Variants in CSMD1 observed in about 807,000 individuals in gnomAD.
CSMD1 encodes the protein CUB and sushi domain-containing protein 1.
In CSMD1, 213 loss-of-function variants were observed where a neutral mutation model predicts 417.5. That is an observed-to-expected ratio of 0.51 (90% CI 0.46 to 0.57). The LOEUF (loss-of-function observed/expected upper bound fraction) is 0.57. CSMD1 is among the 20% of genes least tolerant of loss of function. CSMD1 has a pLI of 0.00. For missense variants in CSMD1, 6,923 were observed against 4,529.7 expected (o/e 1.53, Z -15.17); for synonymous variants, 2,862 against 1,736.8 (o/e 1.65, Z -16.11).
At chr8:3,973,353 T>A (rs910299899) in intron 5 of CSMD1, among the ~76,000 whole-genome samples, 1 of 152,170 alleles carries the variant, frequency 6.6e-6, no homozygotes, top group African/African-American at 2.4e-5. Context: ...GATAGAAGAT[T>A]TTCAAAAGAA....
Position 4,638,525 on chromosome 8 carries a change from T to C in CSMD1, c.86-967A>G, listed in dbSNP as rs916957520. 4.6e-5 allele frequency among the ~76,000 whole-genome samples: 7 copies of C among 152,146 alleles called. No homozygotes were observed. The East Asian group carries it at 7.7e-4, about 17-fold the overall frequency. ...GAGGACTGTAACAACATCCTCACTA[T>C]TGATGTCTACCCGTTCACACAGGCA... On this transcript the variant is annotated intron_variant, in intron 1 of 69. Transcript: ENST00000635120.
At chr8:3,397,322 T>C (rs1811764564) in intron 16 of CSMD1, among the ~76,000 whole-genome samples, 1 of 152,076 alleles carries the variant, frequency 6.6e-6, no homozygotes, top group Admixed American at 6.6e-5. Context: ...GGAGAAAACT[T>C]GGGAGAGGGG....
chr8:3,128,381 A>C (rs1817620332), intron 41 of CSMD1: 1 of 153,388 alleles, frequency 6.5e-6, no homozygotes. Context: ...ATTTAACTTC[A>C]AGACAGCTAC....
intron 12 of CSMD1, among the ~76,000 whole-genome samples, chr8:3,460,267 G>T (rs574012505): frequency 6.6e-6 from 1 of 152,212 alleles, no homozygotes; most frequent in Non-Finnish European, 1.5e-5. Context: ...TCCTTGTTGG[G>T]GAGATACGTG....
chr8:4,501,853 A>G (rs1189085454), intron 2 of CSMD1, among the ~76,000 whole-genome samples: 1 of 152,104 alleles, frequency 6.6e-6, no homozygotes, highest in Non-Finnish European at 1.5e-5. Flanking sequence ...GTATGTCTGT[A>G]TAGGAAAAAA....
chr8:3,780,959 ATCTG>A (rs1327109657), intron 5 of CSMD1, among the ~76,000 whole-genome samples: 1 of 152,224 alleles, frequency 6.6e-6, no homozygotes, highest in African/African-American at 2.4e-5. Flanking sequence ...CTCTAAAGAT[ATCTG>A]TCTTCATGAT....
intron 3 of CSMD1, among the ~76,000 whole-genome samples, chr8:4,116,950 T>G (rs1318716438): frequency 6.6e-6 from 1 of 152,074 alleles, no homozygotes; most frequent in Non-Finnish European, 1.5e-5. Flanking sequence ...CCATGAAGTC[T>G]GAGAATCAGG....
rs75530399 is a variant in CSMD1 at position 4,148,531 on chromosome 8, C to T, written c.416-116432G>A. Among the ~76,000 whole-genome samples the T allele has an allele frequency of 1.0e-4, 15 of 150,344 alleles. No individual in the cohort carries two copies. In the South Asian group the frequency reaches 2.1e-3, roughly 21 times the overall value. ...CTTAAAGTATAATTAAAAAAAAAAA[C>T]GCATTGGCTACTTGGAGTTCTGGAG... On this transcript the variant is annotated intron_variant, in intron 3 of 69. Coordinates refer to ENST00000635120, the MANE Select transcript of CSMD1 (RefSeq NM_033225.6).
Position 3,558,063 on chromosome 8 carries a change from G to C in CSMD1, c.1344+16882C>G, listed in dbSNP as rs956207259. 2.7e-5 allele frequency among the ~76,000 whole-genome samples: 4 copies of C among 149,108 alleles called. No homozygotes were observed. In the East Asian group the frequency reaches 5.9e-4, roughly 22 times the overall value. ...AACCCGTGTCCACTCCTCTGATGATGAATAGTGCCTCAATAGTACCCCGTG... is the reference window on the plus strand; with the variant it reads ...AACCCGTGTCCACTCCTCTGATGATCAATAGTGCCTCAATAGTACCCCGTG... On this transcript the variant is annotated intron_variant, in intron 10 of 69. Coordinates refer to ENST00000635120, the MANE Select transcript of CSMD1 (RefSeq NM_033225.6).
At chr8:4,098,861 CATTT>C (rs1030063593) in intron 3 of CSMD1, among the ~76,000 whole-genome samples, 3 of 152,268 alleles carry the variant, frequency 2.0e-5, no homozygotes, top group African/African-American at 7.2e-5. Flanking sequence ...CTCACTCATT[CATTT>C]ATTCCCGTCC....
intron 49 of CSMD1, among the ~76,000 whole-genome samples, chr8:3,053,581 G>A (rs936684345): frequency 3.3e-5 from 5 of 152,250 alleles, no homozygotes; most frequent in East Asian, 1.9e-4. Flanking sequence ...GATGTGGACC[G>A]CTTTCACGGG....
intron 2 of CSMD1, among the ~76,000 whole-genome samples, chr8:4,636,920 T>G (rs1027620598): frequency 4.6e-5 from 7 of 151,916 alleles, no homozygotes; most frequent in African/African-American, 1.7e-4. Context: ...CAATCAGCGC[T>G]CTGTAAAATG....
At chr8:3,195,625 G>C (rs1454888135) in intron 33 of CSMD1, among the ~76,000 whole-genome samples, 2 of 152,158 alleles carry the variant, frequency 1.3e-5, no homozygotes, top group African/African-American at 4.8e-5. Context: ...CAGTAATGCA[G>C]GTCCTGCCAG....
rs540144993 is a variant in CSMD1, at chr8:3,444,434, C to T, written c.1561+24278G>A. Among the ~76,000 whole-genome samples, 32 of 152,220 alleles carry T rather than the reference C, an allele frequency of 2.1e-4. No individual in the cohort carries two copies. In the East Asian group the frequency reaches 5.6e-3, roughly 27 times the overall value. The stretch of plus-strand genomic sequence containing the variant: ...ATTCATGAGTTCTTTCCTAACAATA[C>T]AAAACAATAAAAGAAATTACTGTAG... On this transcript the variant is annotated intron_variant, in intron 12 of 69. Transcript: ENST00000635120.
chr8:3,408,800 T>C (rs1265213379), intron 13 of CSMD1, among the ~76,000 whole-genome samples: 1 of 152,052 alleles, frequency 6.6e-6, no homozygotes, highest in East Asian at 1.9e-4. Flanking sequence ...TCATATATAT[T>C]ATATAAATAA....
At chr8:4,685,921 C>A (rs1019084270) in intron 1 of CSMD1, among the ~76,000 whole-genome samples, 4 of 152,278 alleles carry the variant, frequency 2.6e-5, no homozygotes, top group Admixed American at 6.5e-5. Flanking sequence ...TATGAAGAAA[C>A]TTACTGGATC....
intron 3 of CSMD1, among the ~76,000 whole-genome samples, chr8:4,351,583 C>G (rs142080715): frequency 1.3e-4 from 20 of 152,042 alleles, no homozygotes; most frequent in African/African-American, 4.6e-4. Context: ...ATGTTTTATG[C>G]AAAAATCCTG....
rs188387713 is a variant in CSMD1, at chr8:4,325,659, A to G, written c.415+94294T>C. Among the ~76,000 whole-genome samples, 417 of 152,188 alleles carry G rather than the reference A, an allele frequency of 2.7e-3. 3 individuals carry two copies. Among genetic ancestry groups the G allele is most frequent in the African/African-American group, 9.7e-3 (404 of 41,548 alleles). ...AAACTACCCAAATTACACAACAACCATCATGCTCATCTCTAGGGCCAGAAA... is the reference window on the plus strand; with the variant it reads ...AAACTACCCAAATTACACAACAACCGTCATGCTCATCTCTAGGGCCAGAAA... On this transcript the variant is annotated intron_variant, in intron 3 of 69. Transcript: ENST00000635120.
At chr8:3,665,155 C>A (rs898313849) in intron 7 of CSMD1, among the ~76,000 whole-genome samples, 1 of 152,012 alleles carries the variant, frequency 6.6e-6, no homozygotes, top group Non-Finnish European at 1.5e-5. Flanking sequence ...GAGCATTGAC[C>A]AATGAGATAA....
Sources: allele counts gnomAD v4.1 joint callset (sites outside exome capture counted in the v4.1 genomes callset), GRCh38; gene constraint gnomAD v4.1.1; transcripts MANE v1.5; gene names NCBI Gene and HGNC (gene_info 2026-07-23, HGNC 2026-07-21).